RANBP17: variants seen among roughly 807,000 people sequenced by gnomAD.
RANBP17 encodes ran-binding protein 17.
Under a neutral mutation model 141.2 loss-of-function variants are expected in RANBP17, and 158 were observed. The ratio of observed to expected loss-of-function variants is 1.12; its 90% CI spans 0.98 to 1.28. RANBP17 has a LOEUF of 1.28. Ranked by LOEUF, RANBP17 falls within the 50% of genes most tolerant of loss-of-function variation. The pLI is 0.00. For synonymous variants in RANBP17, 430 were observed against 450.0 expected (o/e 0.96, Z 0.56); for missense variants, 1,438 against 1,290.7 (o/e 1.11, Z -1.75).
At chr5:171,109,223 G>A (rs1048474111) in intron 14 of RANBP17, among the ~76,000 whole-genome samples, 10 of 152,210 alleles carry the variant, frequency 6.6e-5, no homozygotes, top group African/African-American at 2.2e-4. Context: ...TTATATTTGC[G>A]GTTAAGTAGG....
chr5:171,234,094 G>GTAAC (rs1271764495), intron 22 of RANBP17, among the ~76,000 whole-genome samples: 1 of 151,994 alleles, frequency 6.6e-6, no homozygotes, highest in Non-Finnish European at 1.5e-5. Flanking sequence ...TAAGTACCAG[G>GTAAC]GATTTAGGGA....
chr5:170,940,313 AG>A (rs1460138467), intron 12 of RANBP17, among the ~76,000 whole-genome samples: 1 of 152,182 alleles, frequency 6.6e-6, no homozygotes, highest in African/African-American at 2.4e-5. Context: ...TGTACCAGGA[AG>A]GTACAGGTTG....
intron 14 of RANBP17, among the ~76,000 whole-genome samples, chr5:171,094,874 T>C (rs1009247693): frequency 6.6e-6 from 1 of 152,224 alleles, no homozygotes; most frequent in African/African-American, 2.4e-5. Flanking sequence ...GGTTTGACTT[T>C]GTTCCCCCAA....
At chr5:171,000,710 C>T (rs1479211007) in intron 14 of RANBP17, among the ~76,000 whole-genome samples, 1 of 152,052 alleles carries the variant, frequency 6.6e-6, no homozygotes, top group Non-Finnish European at 1.5e-5. Context: ...ATCATTAGTT[C>T]TTATAGGTTT....
At chr5:170,973,147 C>T (rs558151709) in intron 14 of RANBP17, among the ~76,000 whole-genome samples, 2 of 152,232 alleles carry the variant, frequency 1.3e-5, no homozygotes, top group East Asian at 1.9e-4. Flanking sequence ...TCCATCTCCC[C>T]TGTAAGTTTT....
At chr5:171,269,113 A>G (rs6864339) in intron 25 of RANBP17, among the ~76,000 whole-genome samples, 18,685 of 152,206 alleles carry the variant, frequency 0.12, 1,467 homozygotes, top group East Asian at 0.21. Context: ...GGTAGTCAGC[A>G]TAAATATGAT....
chr5:170,914,092 T>C (rs1244214477), intron 7 of RANBP17, 75 bp from the exon 8 acceptor site: 11 of 966,020 alleles, frequency 1.1e-5, no homozygotes, highest in Non-Finnish European at 1.8e-5. Flanking sequence ...TTTCTCAGTT[T>C]GTGTGATATT....
chr5:170,943,333 T>A (rs1019911618), intron 12 of RANBP17, among the ~76,000 whole-genome samples: 5 of 152,162 alleles, frequency 3.3e-5, no homozygotes, highest in African/African-American at 1.2e-4. Flanking sequence ...ATCTCATTTG[T>A]ATTATATTGT....
intron 14 of RANBP17, among the ~76,000 whole-genome samples, chr5:171,055,134 A>G (rs370760719): frequency 6.6e-6 from 1 of 152,326 alleles, no homozygotes; most frequent in African/African-American, 2.4e-5. Flanking sequence ...AGAGCTTTCC[A>G]TGAACTGGGC....
chr5:171,007,119 T>C (rs572002349), intron 14 of RANBP17, among the ~76,000 whole-genome samples: 7 of 152,246 alleles, frequency 4.6e-5, no homozygotes, highest in African/African-American at 7.2e-5. Flanking sequence ...GAAGTTAGGA[T>C]GACATTTAAG....
chr5:171,035,310 G>A (rs1289279482), intron 14 of RANBP17, among the ~76,000 whole-genome samples: 1 of 151,936 alleles, frequency 6.6e-6, no homozygotes, highest in Non-Finnish European at 1.5e-5. Flanking sequence ...CAGATAAAGG[G>A]GGAAACATAA....
At chr5:171,108,247 T>A (rs1247283913) in intron 14 of RANBP17, among the ~76,000 whole-genome samples, 3 of 152,166 alleles carry the variant, frequency 2.0e-5, no homozygotes, top group Non-Finnish European at 4.4e-5. Context: ...GGGTCTTAAT[T>A]TTCAGTATTG....
chr5:171,142,977 T>TA (rs1253695411), intron 14 of RANBP17, among the ~76,000 whole-genome samples: 9 of 152,358 alleles, frequency 5.9e-5, no homozygotes, highest in African/African-American at 2.2e-4. Context: ...CTTAAAAGAT[T>TA]AATAAACAGT....
intron 24 of RANBP17, chr5:171,252,636 T>C: frequency 7.3e-7 from 1 of 1,367,848 alleles, no homozygotes; most frequent in African/African-American, 1.4e-5. Flanking sequence ...CAAAACTCTC[T>C]TACCAGGTAG....
intron 14 of RANBP17, among the ~76,000 whole-genome samples, chr5:171,115,590 A>G (rs1202470700): frequency 2.0e-5 from 3 of 152,220 alleles, no homozygotes; most frequent in Non-Finnish European, 4.4e-5. Context: ...ACCCCTTTTT[A>G]TGCCGAATGA....
chr5:171,221,784 C>T lies in RANBP17; in HGVS notation c.2366C>T (p.Ser789Leu). The change falls in exon 22 of 28, where the codon TCA (serine) becomes TTA (leucine). Residue 789 changes from serine (S) to leucine (L), a missense_variant. Coordinates refer to ENST00000523189, the MANE Select transcript of RANBP17 (RefSeq NM_022897.5). Reference protein sequence around the residue: ...NRSQRLNFDVSSPNGILLFRE... With the variant: ...NRSQRLNFDVLSPNGILLFRE... ...TCCCAGCGTTTGAATTTTGATGTATCATCTCCTAATGGAATTCTTCTCTTC... is the reference window on the plus strand; with the variant it reads ...TCCCAGCGTTTGAATTTTGATGTATTATCTCCTAATGGAATTCTTCTCTTC... 6.2e-7 allele frequency: 1 copy of T among 1,610,672 alleles called. No homozygotes were observed. Among genetic ancestry groups the T allele is most frequent in the Non-Finnish European group, 8.5e-7 (1 of 1,177,586 alleles).
At chr5:171,064,369 T>C (rs1276342424) in intron 14 of RANBP17, among the ~76,000 whole-genome samples, 1 of 152,220 alleles carries the variant, frequency 6.6e-6, no homozygotes, top group Non-Finnish European at 1.5e-5. Context: ...GGTGAAAAAA[T>C]TGACTTTTAT....
At chr5:171,148,028 CA>C (rs1389497164) in intron 14 of RANBP17, among the ~76,000 whole-genome samples, 13 of 152,234 alleles carry the variant, frequency 8.5e-5, no homozygotes, top group African/African-American at 3.1e-4. Context: ...GGAGACTTTT[CA>C]TTTTGTTCTG....
intron 27 of RANBP17, among the ~76,000 whole-genome samples, chr5:171,297,846 C>CTTTT (rs71310040): frequency 3.6e-4 from 24 of 67,474 alleles, no homozygotes; most frequent in Non-Finnish European, 5.2e-4. Flanking sequence ...CCAATAAATT[C>CTTTT]TTTTTTTTTT....
Sources: allele counts gnomAD v4.1 joint callset (sites outside exome capture counted in the v4.1 genomes callset), GRCh38; gene constraint gnomAD v4.1.1; transcripts MANE v1.5; gene names NCBI Gene and HGNC (gene_info 2026-07-23, HGNC 2026-07-21).